The following STAU2 variants were observed in gnomAD, a reference collection of about 807,000 sequenced individuals.
The protein encoded by STAU2 is double-stranded RNA-binding protein Staufen homolog 2.
Under a neutral mutation model 65.9 loss-of-function variants are expected in STAU2, and 20 were observed. The ratio of observed to expected loss-of-function variants is 0.30; its 90% CI spans 0.21 to 0.44. The LOEUF (loss-of-function observed/expected upper bound fraction) is 0.44, where lower values mean the gene tolerates loss of function less well. Ranked by LOEUF, STAU2 falls within the 20% of genes least tolerant of loss-of-function variation. The pLI is 1.00. For synonymous variants in STAU2, 232 were observed against 233.9 expected, an observed-to-expected ratio of 0.99 and a Z score of 0.07; for missense variants, 558 against 683.9, an observed-to-expected ratio of 0.82 and a Z score of 2.05.
At chr8:73,527,763 G>A (rs902503376) in intron 13 of STAU2, 1 of 1,536,514 alleles carries the variant, frequency 6.5e-7, no homozygotes, top group African/African-American at 1.4e-5. Flanking sequence ...ATGTCAGACA[G>A]GTCACACACT....
At chr8:73,516,385 A>G (rs1822729303) in intron 13 of STAU2, among the ~76,000 whole-genome samples, 2 of 152,014 alleles carry the variant, frequency 1.3e-5, no homozygotes, top group Admixed American at 1.3e-4. Context: ...TCACATATTA[A>G]ATTATGTGAA....
intron 6 of STAU2, among the ~76,000 whole-genome samples, chr8:73,656,064 T>G (rs1816348456): frequency 6.6e-6 from 1 of 152,188 alleles, no homozygotes; most frequent in Admixed American, 6.5e-5. Context: ...ATTACAGGCA[T>G]GAGTCACCGT....
At chr8:73,437,576 T>C (rs1817799482) in intron 13 of STAU2, among the ~76,000 whole-genome samples, 1 of 152,186 alleles carries the variant, frequency 6.6e-6, no homozygotes, top group African/African-American at 2.4e-5. Flanking sequence ...AGATCACACA[T>C]TGCTGTTGGT....
intron 13 of STAU2, among the ~76,000 whole-genome samples, chr8:73,525,487 G>C (rs67237370): frequency 0.36 from 54,171 of 152,048 alleles, 11,113 homozygotes; most frequent in Non-Finnish European, 0.46. Flanking sequence ...CCTGAACTTT[G>C]AGTACCTTGG....
intron 9 of STAU2, among the ~76,000 whole-genome samples, chr8:73,604,268 G>A (rs557028052): frequency 3.3e-5 from 5 of 151,890 alleles, no homozygotes; most frequent in South Asian, 2.1e-4. Context: ...TCATTCTGTC[G>A]CCCAGGCTGG....
At chr8:73,518,102 T>G (rs975890168) in intron 13 of STAU2, among the ~76,000 whole-genome samples, 2 of 152,250 alleles carry the variant, frequency 1.3e-5, no homozygotes, top group African/African-American at 4.8e-5. Flanking sequence ...GAGAGAAAAG[T>G]AACCTTTGCC....
intron 6 of STAU2, among the ~76,000 whole-genome samples, chr8:73,658,934 C>CAAAAA (rs72251012): frequency 2.3e-4 from 22 of 96,742 alleles, no homozygotes; most frequent in Non-Finnish European, 3.8e-4. Flanking sequence ...ACAACAACAA[C>CAAAAA]AAAAACAACA....
chr8:73,432,118 T>C (rs917179060), intron 13 of STAU2, among the ~76,000 whole-genome samples: 7 of 151,648 alleles, frequency 4.6e-5, no homozygotes, highest in African/African-American at 1.7e-4. Flanking sequence ...TTAAAGTCGA[T>C]GGTAACAAAA....
intron 13 of STAU2, among the ~76,000 whole-genome samples, chr8:73,437,938 CG>C (rs1292971909): frequency 6.6e-6 from 1 of 152,178 alleles, no homozygotes. Context: ...ACCATGCCCC[CG>C]TTACTCCTCC....
chr8:73,494,113 C>T (rs1821280062), intron 13 of STAU2, among the ~76,000 whole-genome samples: 1 of 151,662 alleles, frequency 6.6e-6, no homozygotes, highest in Non-Finnish European at 1.5e-5. Flanking sequence ...GTTGTACAAG[C>T]ATATGATCAG....
intron 13 of STAU2, among the ~76,000 whole-genome samples, chr8:73,483,133 T>C (rs947897974): frequency 4.6e-5 from 7 of 152,208 alleles, no homozygotes; most frequent in Non-Finnish European, 1.0e-4. Flanking sequence ...TGGTCTCTAG[T>C]AGCATAAAAA....
rs1048833779 is a variant in STAU2 at position 73,660,354 on chromosome 8, C to T, written c.410+12753G>A. Among the ~76,000 whole-genome samples, 7 of 152,046 alleles carry T rather than the reference C, an allele frequency of 4.6e-5. No homozygotes were observed. In the South Asian group the frequency reaches 8.3e-4, roughly 18 times the overall value. On this transcript the variant is annotated intron_variant, in intron 6 of 14. Transcript: ENST00000524300. ...CTGAGGCAGGAGAATCACTTGAACC[C>T]GAAGGCGAAGGCTGCAGTGAGCTGA...
At chr8:73,519,108 A>G (rs1349569703) in intron 13 of STAU2, among the ~76,000 whole-genome samples, 1 of 152,194 alleles carries the variant, frequency 6.6e-6, no homozygotes, top group Non-Finnish European at 1.5e-5. Context: ...GGCAGTGATT[A>G]TACCCAATCT....
At chr8:73,562,937 C>T (rs1381178666) in intron 12 of STAU2, among the ~76,000 whole-genome samples, 2 of 152,068 alleles carry the variant, frequency 1.3e-5, no homozygotes, top group African/African-American at 4.8e-5. Flanking sequence ...ACAGCAAAAC[C>T]TCATCTCAAA....
chr8:73,527,034 G>A (rs913670243), intron 13 of STAU2, among the ~76,000 whole-genome samples: 1 of 152,130 alleles, frequency 6.6e-6, no homozygotes, highest in Non-Finnish European at 1.5e-5. Flanking sequence ...GCTCCCAGAA[G>A]GTTACAATAC....
chr8:73,583,126 G>A (rs1810113161), intron 11 of STAU2, among the ~76,000 whole-genome samples: 1 of 151,340 alleles, frequency 6.6e-6, no homozygotes, highest in South Asian at 2.1e-4. Context: ...GTAAGCTCTA[G>A]CTAGGTGGTG....
chr8:73,455,318 T>C (rs1020987309), intron 13 of STAU2, among the ~76,000 whole-genome samples: 13 of 152,120 alleles, frequency 8.5e-5, no homozygotes, highest in African/African-American at 2.9e-4. Context: ...TTGGGGAATT[T>C]AGCAACTTGG....
intron 13 of STAU2, among the ~76,000 whole-genome samples, chr8:73,535,676 T>C (rs1220527259): frequency 1.3e-5 from 2 of 152,240 alleles, no homozygotes; most frequent in African/African-American, 4.8e-5. Context: ...TGTTTTGACA[T>C]ACCTATATAC....
chr8:73,704,730 G>T (rs545647391), intron 4 of STAU2, among the ~76,000 whole-genome samples: 2 of 152,070 alleles, frequency 1.3e-5, no homozygotes, highest in African/African-American at 4.8e-5. Flanking sequence ...GTGCAGTGGC[G>T]CGATCTCAGC....
Sources: allele counts gnomAD v4.1 joint callset (sites outside exome capture counted in the v4.1 genomes callset), GRCh38; gene constraint gnomAD v4.1.1; transcripts MANE v1.5; gene names NCBI Gene and HGNC (gene_info 2026-07-23, HGNC 2026-07-21).